DPP6: variants seen among roughly 807,000 people sequenced by gnomAD.
DPP6 encodes the protein dipeptidyl peptidase like 6, also known as A-type potassium channel modulatory protein DPP6.
DPP6 carries 69 observed loss-of-function variants against 122.6 expected under a neutral mutation model. The observed-to-expected ratio is 0.56, with a 90% confidence interval of 0.46 to 0.69. The LOEUF is 0.69. Ranked by LOEUF, DPP6 falls within the 30% of genes least tolerant of loss-of-function variation. The pLI, the probability that DPP6 is intolerant of heterozygous loss-of-function variation, is 0.00. For missense variants in DPP6, 928 were observed against 1,116.9 expected (o/e 0.83, Z 2.41); for synonymous variants, 418 against 433.1 (o/e 0.97, Z 0.43).
In DPP6 at chr7:154,846,691, TGAAAG is replaced by T. The variant is rs112990960; in HGVS notation, c.1667-7084_1667-7080del. ...AACACTGTTTTAAGATAGCAGAAAA[TGAAAG>T]GAAACAACCTAAATATCCACCAGTA... On this transcript the variant is annotated intron_variant, in intron 16 of 25. Transcript: ENST00000377770. Among the ~76,000 whole-genome samples the T allele has an allele frequency of 2.5e-3, 380 of 152,244 alleles. 3 individuals carry two copies. Among genetic ancestry groups the T allele is most frequent in the African/African-American group, 8.9e-3 (368 of 41,558 alleles).
At chr7:153,770,727 T>C in the DPP6 span, among the ~76,000 whole-genome samples, 1 of 152,170 alleles carries the variant, frequency 6.6e-6, no homozygotes, top group African/African-American at 2.4e-5. Flanking sequence ...GTTAAAGGCA[T>C]GAATGGAAAA....
chr7:154,824,341 G>A (rs1378718716), intron 16 of DPP6, among the ~76,000 whole-genome samples: 2 of 152,170 alleles, frequency 1.3e-5, no homozygotes, highest in African/African-American at 4.8e-5. Context: ...GTGCAGTGGC[G>A]AGACCTCGGC....
intron 1 of DPP6, among the ~76,000 whole-genome samples, chr7:153,960,962 G>A (rs1795323853): frequency 6.6e-6 from 1 of 152,194 alleles, no homozygotes; most frequent in Non-Finnish European, 1.5e-5. Flanking sequence ...AAGGATGGCA[G>A]TGCTTCTGAC....
intron 2 of DPP6, among the ~76,000 whole-genome samples, chr7:154,469,453 C>T (rs796772521): frequency 1.2e-4 from 19 of 152,256 alleles, no homozygotes; most frequent in African/African-American, 2.9e-4. Context: ...GGCTTCCTTC[C>T]GTCTCTAGGG....
At chr7:154,553,844 C>T (rs1670188487) in intron 4 of DPP6, among the ~76,000 whole-genome samples, 1 of 143,844 alleles carries the variant, frequency 7.0e-6, no homozygotes, top group Non-Finnish European at 1.5e-5. Flanking sequence ...GAGGCCACTA[C>T]ATTTGCCCTA....
intron 1 of DPP6, among the ~76,000 whole-genome samples, chr7:154,322,103 C>G (rs76294430): frequency 6.6e-6 from 1 of 151,458 alleles, no homozygotes; most frequent in African/African-American, 2.4e-5. Flanking sequence ...CACCCTCCCC[C>G]ACCTCCTCAG....
intron 1 of DPP6, among the ~76,000 whole-genome samples, chr7:153,972,053 T>G (rs1392282515): frequency 1.3e-5 from 2 of 150,922 alleles, no homozygotes; most frequent in African/African-American, 4.9e-5. Flanking sequence ...TTTCCTATGT[T>G]CTTATTGTAG....
chr7:154,043,783 G>A (rs2129058766), intron 1 of DPP6, among the ~76,000 whole-genome samples: 1 of 138,016 alleles, frequency 7.2e-6, no homozygotes, highest in Non-Finnish European at 1.5e-5. Context: ...CTGAAAGGCA[G>A]ATGTAAATAT....
In DPP6 at chr7:154,877,144, G is replaced by GA. The variant is rs2150659097; in HGVS notation, c.2078+1049dup. ...CTTTGAAAACATTTCTCCTCATTTT[G>GA]AAAAAGATTGACGGCCCTGGTATGT... On this transcript the variant is annotated intron_variant, in intron 20 of 25. Coordinates refer to ENST00000377770, the MANE Select transcript of DPP6 (RefSeq NM_130797.4). The surrounding 1 kb of genome is among the most constrained non-coding windows in gnomAD (Gnocchi z 5.2). 6.6e-6 allele frequency: 1 copy of GA among 152,288 alleles called. No homozygotes were observed. 9.4% of individuals were successfully genotyped at this position (152,288 alleles called of 1,614,324 possible).
chr7:153,895,732 A>T (rs200674173), intron 1 of DPP6, among the ~76,000 whole-genome samples: 3 of 22,652 alleles, frequency 1.3e-4, no homozygotes, highest in African/African-American at 3.1e-4. Context: ...ATGCGTGCAC[A>T]CACACACACA....
At chr7:154,445,424 A>G (rs1329584316) in intron 1 of DPP6, among the ~76,000 whole-genome samples, 7 of 152,136 alleles carry the variant, frequency 4.6e-5, no homozygotes, top group Admixed American at 2.0e-4. Flanking sequence ...GATTCCTCTA[A>G]TTTGCACGGA....
chr7:154,114,678 G>A (rs1806848963), intron 1 of DPP6, among the ~76,000 whole-genome samples: 1 of 152,176 alleles, frequency 6.6e-6, no homozygotes, highest in South Asian at 2.1e-4. Flanking sequence ...CAGGTATAGA[G>A]CATTGGGAGC....
At position 154,821,615 on chromosome 7, in the gene DPP6, AT is replaced by A. The variant is rs1227250327; in HGVS notation, c.1666+14504del. 2.3e-5 allele frequency among the ~76,000 whole-genome samples: 1 copy of A among 43,856 alleles called. No homozygotes were observed. The highest frequency in any genetic ancestry group is 5.5e-5 in the Non-Finnish European group (1 of 18,032). The allele number at this position is 43,856 out of a possible 152,430, so 28.8% of individuals were successfully genotyped here. On this transcript the variant is annotated intron_variant, in intron 16 of 25. Coordinates refer to ENST00000377770, the MANE Select transcript of DPP6 (RefSeq NM_130797.4). The surrounding 1 kb of genome is among the most constrained non-coding windows in gnomAD (Gnocchi z 4.2). ...AAATGTTAAGTGAATATATATATATATATTTTTTTTCTGTATATATATATAT... is the reference window on the plus strand; with the variant it reads ...AAATGTTAAGTGAATATATATATATAATTTTTTTTCTGTATATATATATAT...
At chr7:154,022,695 C>T (rs907777708) in intron 1 of DPP6, among the ~76,000 whole-genome samples, 4 of 152,150 alleles carry the variant, frequency 2.6e-5, no homozygotes, top group African/African-American at 9.7e-5. Flanking sequence ...ATTGCACCTC[C>T]AGTTCATCAT....
chr7:153,998,532 C>T (rs1177003270), intron 1 of DPP6, among the ~76,000 whole-genome samples: 1 of 152,130 alleles, frequency 6.6e-6, no homozygotes, highest in Non-Finnish European at 1.5e-5. Flanking sequence ...TTATGCTAGA[C>T]CTTAGTATCT....
chr7:153,927,306 C>T (rs567597564), intron 1 of DPP6, among the ~76,000 whole-genome samples: 2 of 152,240 alleles, frequency 1.3e-5, no homozygotes, highest in South Asian at 2.1e-4. Context: ...GAGCAAGACC[C>T]ATTCTCTAAA....
At chr7:154,725,923 G>C (rs1310574178) in intron 7 of DPP6, among the ~76,000 whole-genome samples, 1 of 152,078 alleles carries the variant, frequency 6.6e-6, no homozygotes, top group East Asian at 1.9e-4. Flanking sequence ...CAAAACAAAG[G>C]GCTACAGGCC....
chr7:153,855,385 G>A, the DPP6 span, among the ~76,000 whole-genome samples: 3 of 151,990 alleles, frequency 2.0e-5, no homozygotes, highest in Admixed American at 2.0e-4. Context: ...ATTCTTTCCT[G>A]TTCTTATTTA....
chr7:154,305,335 T>TGTGGG, intron 1 of DPP6: 1 of 1,024,756 alleles, frequency 9.8e-7, no homozygotes, highest in Non-Finnish European at 1.2e-6. Context: ...TCGTCTTGTC[T>TGTGGG]ACCCACCCTC....
Sources: gnomAD v4.1 joint callset for allele counts (sites outside exome capture counted in the v4.1 genomes callset) on GRCh38, gnomAD v4.1.1 for gene constraint, Gnocchi (gnomAD v3.1) non-coding constraint, MANE v1.5 for transcripts, NCBI Gene and HGNC (gene_info 2026-07-23, HGNC 2026-07-21) for gene names.